The following PTBP3 variants were observed in gnomAD, a reference collection of about 807,000 sequenced individuals.
PTBP3 encodes polypyrimidine tract-binding protein 3.
A neutral mutation model predicts 58.7 loss-of-function variants in PTBP3; 20 were observed. The ratio of observed to expected loss-of-function variants is 0.34; its 90% confidence interval spans 0.24 to 0.50. The LOEUF (loss-of-function observed/expected upper bound fraction) is 0.50, where lower values mean the gene tolerates loss of function less well. PTBP3 is among the 20% of genes least tolerant of loss of function. The pLI, the probability that PTBP3 is intolerant of heterozygous loss-of-function variation, is 0.98. For synonymous variants in PTBP3, 185 were observed against 219.8 expected, an observed-to-expected ratio of 0.84 and a Z score of 1.40; for missense variants, 509 against 637.2, an observed-to-expected ratio of 0.80 and a Z score of 2.17.
At chr9:112,328,849 C>T (rs1381558177) in intron 1 of PTBP3, among the ~76,000 whole-genome samples, 2 of 152,262 alleles carry the variant, frequency 1.3e-5, no homozygotes, top group South Asian at 2.1e-4. Context: ...AGTAGGAGCA[C>T]TGAAATTTGC....
chr9:112,290,738 A>ACACACACT lies in PTBP3; in HGVS notation c.34+7093_34+7094insAGTGTGTG, dbSNP rs1564438731. On this transcript the variant is annotated intron_variant, in intron 2 of 13. Transcript: ENST00000374257. ...CACACACACACACACACACACACACAATCAAGTGTTGGCAAAGTTCTGGAA... is the reference window on the plus strand; with the variant it reads ...CACACACACACACACACACACACACACACACACTATCAAGTGTTGGCAAAGTTCTGGAA... Among the ~76,000 whole-genome samples the ACACACACT allele has an allele frequency of 1.5e-3, 224 of 148,540 alleles. 1 individual carries two copies. The highest frequency in any genetic ancestry group is 5.5e-3 in the African/African-American group (220 of 39,954).
chr9:112,360,870 G>A, the PTBP3 span, among the ~76,000 whole-genome samples: 2 of 151,956 alleles, frequency 1.3e-5, no homozygotes, highest in Non-Finnish European at 2.9e-5. Context: ...TCCTTTTGTG[G>A]GTTGTGGTCA....
intron 1 of PTBP3, among the ~76,000 whole-genome samples, chr9:112,331,327 T>A (rs947042328): frequency 6.6e-6 from 1 of 152,168 alleles, no homozygotes; most frequent in Non-Finnish European, 1.5e-5. Context: ...AAAATCCCCT[T>A]TAAAGTCCTG....
the PTBP3 span, among the ~76,000 whole-genome samples, chr9:112,367,080 A>C: frequency 6.6e-6 from 1 of 152,218 alleles, no homozygotes; most frequent in Non-Finnish European, 1.5e-5. Flanking sequence ...GTCTATTTTA[A>C]GTTGACACTA....
At chr9:112,366,738 A>G in the PTBP3 span, among the ~76,000 whole-genome samples, 1 of 152,158 alleles carries the variant, frequency 6.6e-6, no homozygotes, top group Non-Finnish European at 1.5e-5. Flanking sequence ...GAGCCTCCAC[A>G]CAGTCCTTAG....
In PTBP3 at chr9:112,223,956, T is replaced by C. The variant is rs746152619; in HGVS notation, c.1470A>G (p.Gln490=). 91 of 1,613,062 alleles carry C rather than the reference T, an allele frequency of 5.6e-5. No homozygotes were observed. The highest frequency in any genetic ancestry group is 2.7e-4 in the East Asian group (12 of 44,824). Residue 490 remains glutamine (Q), a synonymous_variant, in exon 14 of 14, where the codon CAA becomes CAG. Transcript: ENST00000374257. The stretch of plus-strand genomic sequence containing the variant: ...GAATTGCTTCTTCCACAGATCCCAA[T>C]TGAATGAGCGCCATTTTGCGATCTT... ...FQKDRKMALI[Q]LGSVEEAIQA... is the part of the protein sequence containing the mutation.
Position 112,239,180 on chromosome 9 carries a change from G to T in PTBP3, c.803-4283C>A, listed in dbSNP as rs548835684. Among the ~76,000 whole-genome samples the T allele has an allele frequency of 3.9e-5, 6 of 152,256 alleles. 1 individual carries two copies. Among genetic ancestry groups the T allele is most frequent in the African/African-American group, 1.4e-4 (6 of 41,562 alleles). On this transcript the variant is annotated intron_variant, in intron 7 of 13. Transcript: ENST00000374257. The stretch of plus-strand genomic sequence containing the variant: ...TTAGATTTTGGTAAAATGTTTGAAA[G>T]TTAAAAATCTAGATAAAAACAGAAG...
At chr9:112,244,527 T>A (rs1835802604) in intron 7 of PTBP3, among the ~76,000 whole-genome samples, 1 of 151,630 alleles carries the variant, frequency 6.6e-6, no homozygotes, top group East Asian at 1.9e-4. Context: ...ATTTTTTTTT[T>A]AATTAGCAGA....
the PTBP3 span, chr9:112,363,022 T>G: frequency 9.9e-6 from 2 of 201,250 alleles, no homozygotes; most frequent in South Asian, 8.2e-5. Context: ...CAATGTGTCC[T>G]CTGGAACTGC....
intron 12 of PTBP3, among the ~76,000 whole-genome samples, chr9:112,224,489 G>C (rs942731567): frequency 2.0e-5 from 3 of 152,152 alleles, no homozygotes; most frequent in African/African-American, 7.2e-5. Flanking sequence ...AGCTGTGCCT[G>C]GAATCTATAT....
At chr9:112,375,293 C>T in the PTBP3 span, among the ~76,000 whole-genome samples, 1 of 152,214 alleles carries the variant, frequency 6.6e-6, no homozygotes, top group Non-Finnish European at 1.5e-5. Flanking sequence ...ACCATCCAGC[C>T]AAATCACTGG....
chr9:112,379,813 T>G, the PTBP3 span: 1 of 458,374 alleles, frequency 2.2e-6, no homozygotes, highest in Non-Finnish European at 3.9e-6. Context: ...AGGGAAAAGG[T>G]GGACGTAGCG....
chr9:112,327,178 C>T lies in PTBP3; in HGVS notation c.-52+6292G>A, dbSNP rs141746164. 1.8e-3 allele frequency among the ~76,000 whole-genome samples: 261 copies of T among 148,034 alleles called. 1 individual carries two copies. The highest frequency in any genetic ancestry group is 5.6e-3 in the African/African-American group (224 of 40,014). ...ATGATTGTGCCACTGTACTCCAGCC[C>T]GGGCAATGACAGAGGTAGAGCCTGC... is the stretch of plus-strand genomic sequence containing the variant. On this transcript the variant is annotated intron_variant, in intron 1 of 13. Transcript: ENST00000374257.
chr9:112,260,462 C>T (rs1467410390), intron 5 of PTBP3, among the ~76,000 whole-genome samples: 1 of 152,044 alleles, frequency 6.6e-6, no homozygotes, highest in Non-Finnish European at 1.5e-5. Flanking sequence ...GGATAGAATG[C>T]CAGGGGAGAG....
the PTBP3 span, among the ~76,000 whole-genome samples, chr9:112,345,016 C>T: frequency 6.6e-6 from 1 of 151,918 alleles, no homozygotes; most frequent in Non-Finnish European, 1.5e-5. Flanking sequence ...ACCTGTAGTC[C>T]CAGCTACTCG....
chr9:112,371,624 G>A, the PTBP3 span, among the ~76,000 whole-genome samples: 1,450 of 146,492 alleles, frequency 9.9e-3, 18 homozygotes, highest in African/African-American at 0.033. Context: ...AGGAGAATGA[G>A]AACTGGAGAA....
chr9:112,240,834 T>C (rs1835628903), intron 7 of PTBP3, among the ~76,000 whole-genome samples: 1 of 152,066 alleles, frequency 6.6e-6, no homozygotes, highest in Non-Finnish European at 1.5e-5. Context: ...TGACCTTGTG[T>C]AGGCCTAGGC....
At chr9:112,272,397 C>T (rs1465601248) in intron 3 of PTBP3, among the ~76,000 whole-genome samples, 1 of 152,120 alleles carries the variant, frequency 6.6e-6, no homozygotes, top group African/African-American at 2.4e-5. Context: ...TAGTTATAAA[C>T]TATAGACATT....
Position 112,218,814 on chromosome 9 carries a change from T to G in PTBP3, c.*5037A>C, listed in dbSNP as rs182905343. On this transcript the variant is annotated 3_prime_UTR_variant, in exon 14 of 14. Transcript: ENST00000374257. ...GTTCCCAAAAACCTTTTTTTCTTTT[T>G]TGGCCTTGTTAAAAAAAATGTTGTT... 5.9e-5 allele frequency: 9 copies of G among 152,768 alleles called. No homozygotes were observed. The East Asian group carries it at 1.7e-3, about 29-fold the overall frequency. 9.5% of individuals were successfully genotyped at this position (152,768 alleles called of 1,614,324 possible).
Sources: gnomAD v4.1 joint callset for allele counts (sites outside exome capture counted in the v4.1 genomes callset) on GRCh38, gnomAD v4.1.1 for gene constraint, MANE v1.5 for transcripts, NCBI Gene and HGNC (gene_info 2026-07-23, HGNC 2026-07-21) for gene names.